The following SLC43A1 variants were observed in gnomAD, a reference collection of about 807,000 sequenced individuals.
SLC43A1 encodes the protein large neutral amino acids transporter small subunit 3.
In SLC43A1, 31 loss-of-function variants were observed where a neutral mutation model predicts 59.5. The observed-to-expected ratio is 0.52, with a 90% CI of 0.39 to 0.70. The LOEUF (loss-of-function observed/expected upper bound fraction) is 0.70, where lower values mean the gene tolerates loss of function less well. Among genes scored for constraint, SLC43A1 ranks in the 30% least tolerant of loss-of-function variants. SLC43A1 has a pLI of 0.00. For missense variants in SLC43A1, 598 were observed against 717.8 expected, an observed-to-expected ratio of 0.83 and a Z score of 1.91; for synonymous variants, 259 against 290.9, an observed-to-expected ratio of 0.89 and a Z score of 1.12.
At chr11:57,499,164 A>T (rs924902412) in intron 5 of SLC43A1, among the ~76,000 whole-genome samples, 2 of 152,102 alleles carry the variant, frequency 1.3e-5, no homozygotes, top group African/African-American at 4.8e-5. Context: ...CTCCACTAAA[A>T]TACGAAAAAA....
chr11:57,489,442 C>T, intron 11 of SLC43A1, 50 bp from the exon 12 acceptor site: 1 of 1,603,756 alleles, frequency 6.2e-7, no homozygotes, highest in Non-Finnish European at 8.5e-7. Context: ...TCCCAGGACT[C>T]CCTGGTTCTT....
chr11:57,513,768 T>G (rs903564729), intron 2 of SLC43A1, among the ~76,000 whole-genome samples, 190 bp downstream of exon 2: 2 of 152,198 alleles, frequency 1.3e-5, no homozygotes, highest in Admixed American at 6.5e-5. Context: ...CAGTGACCAC[T>G]GGATTAGATA....
At position 57,496,017 on chromosome 11, in the gene SLC43A1, C is replaced by T. The variant is rs910686133; in HGVS notation, c.692+14G>A. ...CTGCCCCAGGGAGAGTCTCTGCCCA[C>T]TCCAGCCACTCACGTGTAATTGACT... is the stretch of plus-strand genomic sequence containing the variant. On this transcript the variant is annotated intron_variant, in intron 7 of 14. Coordinates refer to ENST00000278426, the MANE Select transcript of SLC43A1 (RefSeq NM_003627.6). 1 of 1,613,470 alleles carries T rather than the reference C, an allele frequency of 6.2e-7. No homozygotes were observed. The highest frequency in any genetic ancestry group is 1.3e-5 in the African/African-American group (1 of 74,922).
chr11:57,489,336 G>T lies in SLC43A1; in HGVS notation c.1250C>A (p.Thr417Asn). Reference sequence around the variant, plus strand: ...CAGGGTGAAGGCACTGATGGCATTGGTGAGCTTTTGGATCTTGCAGTAGCG... The same window carrying T: ...CAGGGTGAAGGCACTGATGGCATTGTTGAGCTTTTGGATCTTGCAGTAGCG... ...RPRYCKIQKL[T>N]NAISAFTLTN... is the part of the protein sequence containing the mutation. The change falls in exon 12 of 15, where the codon ACC becomes AAC. Residue 417 changes from threonine (T) to asparagine (N), a missense_variant. Physicochemically the swap from Thr to Asn is moderately conservative, Grantham distance 65. Transcript: ENST00000278426. 6.2e-7 allele frequency: 1 copy of T among 1,614,182 alleles called. No homozygotes were observed.
chr11:57,500,790 T>C lies in SLC43A1; in HGVS notation c.454A>G (p.Thr152Ala). ...CCTGTGACACTCACCGTGAGTGAAG[T>C]GAACGTTAGGCAGATGCCACCAAAG... is the stretch of plus-strand genomic sequence containing the variant. The part of the protein sequence containing the change: ...NGFGGICLTF[T>A]SLTLPNMFGN... The change falls in exon 5 of 15, where the codon ACT becomes GCT. Residue 152 changes from threonine (T) to alanine (A), a missense_variant. Transcript: ENST00000278426. The C allele has an allele frequency of 5.6e-6, 9 of 1,614,084 alleles. No homozygotes were observed. Among genetic ancestry groups the C allele is most frequent in the Non-Finnish European group, 6.8e-6 (8 of 1,179,998 alleles).
At chr11:57,491,944 G>A (rs1386478270) in intron 8 of SLC43A1, 82 bp from the exon 9 acceptor site, 4 of 1,340,498 alleles carry the variant, frequency 3.0e-6, no homozygotes, top group Non-Finnish European at 4.2e-6. Flanking sequence ...GTTCTTGGGG[G>A]GAGTGACACT....
At position 57,514,254 on chromosome 11, in the gene SLC43A1, T is replaced by C; in HGVS notation, c.-13-130A>G. The C allele has an allele frequency of 2.6e-6, 3 of 1,140,138 alleles. No individual in the cohort carries two copies. The highest frequency in any genetic ancestry group is 2.4e-6 in the Non-Finnish European group (2 of 831,650). The allele number at this position is 1,140,138 out of a possible 1,614,324, so 70.6% of individuals were successfully genotyped here. A position where few individuals can be genotyped will look rare whatever the true frequency, so the allele number is the denominator to read the frequency against. ...CCCTCATGGAGGCCCCATAGAGCCCTGGGCTTCCCAGCCGGTGCCAAGGAG... is the reference window on the plus strand; with the variant it reads ...CCCTCATGGAGGCCCCATAGAGCCCCGGGCTTCCCAGCCGGTGCCAAGGAG... On this transcript the variant is annotated intron_variant, in intron 1 of 14. Transcript: ENST00000278426. This position sits in a 1 kb window ranked among gnomAD's most constrained non-coding sequence, Gnocchi z 5.5.
chr11:57,495,908 C>A, intron 7 of SLC43A1, 123 bp downstream of exon 7: 1 of 1,121,628 alleles, frequency 8.9e-7, no homozygotes, highest in Admixed American at 2.6e-5. Flanking sequence ...TTGGAGGGCT[C>A]AAGCGATTTG....
intron 2 of SLC43A1, among the ~76,000 whole-genome samples, chr11:57,513,127 G>C (rs765210729): frequency 6.6e-6 from 1 of 152,156 alleles, no homozygotes; most frequent in Non-Finnish European, 1.5e-5. Flanking sequence ...GGAACTCACC[G>C]AAGTCACCAA....
At position 57,492,206 on chromosome 11, in the gene SLC43A1, A is replaced by AAT. The variant is rs1193113517; in HGVS notation, c.872-346_872-345dup. On this transcript the variant is annotated intron_variant, in intron 8 of 14. Coordinates refer to ENST00000278426, the MANE Select transcript of SLC43A1 (RefSeq NM_003627.6). The stretch of plus-strand genomic sequence containing the variant: ...AACATAGCAAGACCCTATCTCTAAA[A>AAT]ATATATATATATATTTATTTATTTA... Among the ~76,000 whole-genome samples the AAT allele has an allele frequency of 1.5e-4, 21 of 142,274 alleles. No individual in the cohort carries two copies. The South Asian group carries it at 1.7e-3, about 12-fold the overall frequency. 93.3% of individuals were successfully genotyped at this position (142,274 alleles called of 152,430 possible).
At chr11:57,495,002 C>T (rs1292913940) in intron 7 of SLC43A1, among the ~76,000 whole-genome samples, 5 of 151,888 alleles carry the variant, frequency 3.3e-5, no homozygotes, top group Admixed American at 3.3e-4. Flanking sequence ...GCATGCACCA[C>T]CACACCCAGC....
chr11:57,491,102 G>T, intron 11 of SLC43A1, 122 bp downstream of exon 11: 1 of 1,233,230 alleles, frequency 8.1e-7, no homozygotes, highest in Non-Finnish European at 1.1e-6. Flanking sequence ...AAAATGGGGA[G>T]GTACCCCTGA....
chr11:57,494,094 A>G lies in SLC43A1; in HGVS notation c.770T>C (p.Met257Thr). ...GGCCTTCTGGCTGAGCCTCTGGCCC[A>G]TGGTGGTCACATGGGTGTAGAAGAG... ...GDLFYTHVTTMGQRLSQKAPS... is the reference protein window; with the variant it reads ...GDLFYTHVTTTGQRLSQKAPS... The change falls in exon 8 of 15, where the codon ATG becomes ACG. Residue 257 changes from methionine (M) to threonine (T), a missense_variant. By Grantham distance (81) the Met-to-Thr change is moderately conservative (BLOSUM62 -1). Transcript: ENST00000278426. The G allele has an allele frequency of 1.9e-6, 3 of 1,611,746 alleles. No individual in the cohort carries two copies. Among genetic ancestry groups the G allele is most frequent in the Non-Finnish European group, 2.5e-6 (3 of 1,178,990 alleles).
At chr11:57,488,873 C>G (rs371778269) in intron 13 of SLC43A1, 43 bp downstream of exon 13, 169 of 1,539,722 alleles carry the variant, frequency 1.1e-4, no homozygotes, top group Non-Finnish European at 1.4e-4. Context: ...TCTCTGATCA[C>G]GGTTGCAAAG....
rs749763284 is a variant in SLC43A1 at position 57,514,130 on chromosome 11, C to T, written c.-13-6G>A. 5.1e-6 allele frequency: 8 copies of T among 1,576,276 alleles called. No homozygotes were observed. The highest frequency in any genetic ancestry group is 6.0e-6 in the Non-Finnish European group (7 of 1,162,908). ...GGGCCATGCTGGCCCCGAGCCTGCA[C>T]AGAAACAGAGCGCTGGGTGAAGGGC... On this transcript the variant is annotated splice_region_variant and splice_polypyrimidine_tract_variant and intron_variant, in intron 1 of 14. Transcript: ENST00000278426. This position sits in a 1 kb window ranked among gnomAD's most constrained non-coding sequence, Gnocchi z 5.5.
Position 57,500,814 on chromosome 11 carries a change from A to G in SLC43A1, c.430T>C (p.Phe144Leu), listed in dbSNP as rs1944240496. The G allele has an allele frequency of 6.2e-7, 1 of 1,614,214 alleles. No individual in the cohort carries two copies. Among genetic ancestry groups the G allele is most frequent in the Non-Finnish European group, 8.5e-7 (1 of 1,180,034 alleles). Residue 144 changes from phenylalanine to leucine, a missense_variant, in exon 5 of 15, where the codon TTT becomes CTT. Physicochemically the swap from Phe to Leu is conservative, Grantham distance 22. Coordinates refer to ENST00000278426, the MANE Select transcript of SLC43A1 (RefSeq NM_003627.6). ...LIFLALSLNG[F>L]GGICLTFTSL... ...GTGAACGTTAGGCAGATGCCACCAAAGCCATTCAGGGACAGCGCCAGGAAT... is the reference window on the plus strand; with the variant it reads ...GTGAACGTTAGGCAGATGCCACCAAGGCCATTCAGGGACAGCGCCAGGAAT...
chr11:57,513,251 A>T (rs544477551), intron 2 of SLC43A1, among the ~76,000 whole-genome samples: 1 of 152,274 alleles, frequency 6.6e-6, no homozygotes, highest in East Asian at 1.9e-4. Context: ...GCCCAATTCC[A>T]TTTCCACCCA....
intron 7 of SLC43A1, chr11:57,494,640 T>C (rs1944023012): frequency 6.4e-6 from 1 of 156,798 alleles, no homozygotes. Flanking sequence ...TCACCTTATG[T>C]GCTTGGTGTG....
At chr11:57,492,735 CAAAAA>C (rs56237225) in intron 8 of SLC43A1, among the ~76,000 whole-genome samples, 2 of 83,512 alleles carry the variant, frequency 2.4e-5, no homozygotes, top group South Asian at 4.9e-4. Flanking sequence ...CTCTATTTTA[CAAAAA>C]AAAAAAAAAA....
Sources: gnomAD v4.1 joint callset for allele counts (sites outside exome capture counted in the v4.1 genomes callset) on GRCh38, gnomAD v4.1.1 for gene constraint, Gnocchi (gnomAD v3.1) non-coding constraint, MANE v1.5 for transcripts, NCBI Gene and HGNC (gene_info 2026-07-23, HGNC 2026-07-21) for gene names.